The following PARD3 variants were observed in gnomAD, a reference collection of about 807,000 sequenced individuals.
The protein encoded by PARD3 is partitioning defective 3 homolog.
Under a neutral mutation model 155.4 loss-of-function variants are expected in PARD3, and 75 were observed. The ratio of observed to expected loss-of-function variants is 0.48; its 90% CI spans 0.40 to 0.58. The LOEUF (loss-of-function observed/expected upper bound fraction) is 0.58, where lower values mean the gene tolerates loss of function less well. Ranked by LOEUF, PARD3 falls within the 20% of genes least tolerant of loss-of-function variation. PARD3 has a pLI of 0.00. For missense variants in PARD3, 1,642 were observed against 1,721.7 expected, an observed-to-expected ratio of 0.95 and a Z score of 0.82; for synonymous variants, 576 against 610.5, an observed-to-expected ratio of 0.94 and a Z score of 0.83.
intron 11 of PARD3, 47 bp downstream of exon 11, chr10:34,374,827 T>C (rs1288855672): frequency 4.4e-6 from 7 of 1,595,026 alleles, no homozygotes; most frequent in Non-Finnish European, 6.0e-6. Flanking sequence ...CCCAGACCCC[T>C]GGCTGCTGCA....
chr10:34,724,617 A>T (rs1017769656), intron 1 of PARD3, among the ~76,000 whole-genome samples: 1 of 152,264 alleles, frequency 6.6e-6, no homozygotes, highest in African/African-American at 2.4e-5. Context: ...ATATAAGCTA[A>T]ACTGGCTAGT....
intron 3 of PARD3, among the ~76,000 whole-genome samples, chr10:34,483,367 A>G (rs1190020452): frequency 6.6e-6 from 1 of 151,908 alleles, no homozygotes; most frequent in Non-Finnish European, 1.5e-5. Flanking sequence ...CTGTGGTCCC[A>G]GCTACTCTGG....
chr10:34,412,904 G>T (rs1396852268), intron 5 of PARD3, among the ~76,000 whole-genome samples: 1 of 152,000 alleles, frequency 6.6e-6, no homozygotes, highest in Non-Finnish European at 1.5e-5. Flanking sequence ...ATAAGAAATA[G>T]AAAATACAGA....
chr10:34,666,537 A>G (rs956961800), intron 2 of PARD3, among the ~76,000 whole-genome samples: 3 of 151,874 alleles, frequency 2.0e-5, no homozygotes, highest in Non-Finnish European at 4.4e-5. Flanking sequence ...CACCCTTACT[A>G]ACGTCCAGGA....
intron 1 of PARD3, among the ~76,000 whole-genome samples, chr10:34,792,164 C>A (rs1160946043): frequency 6.6e-6 from 1 of 152,168 alleles, no homozygotes; most frequent in Non-Finnish European, 1.5e-5. Context: ...CCCGGACGTG[C>A]GCCCACGTGC....
At chr10:34,517,709 CACAA>C (rs1237558875) in intron 2 of PARD3, among the ~76,000 whole-genome samples, 7 of 152,054 alleles carry the variant, frequency 4.6e-5, no homozygotes, top group Non-Finnish European at 7.3e-5. Context: ...CCCACACACA[CACAA>C]ACACACACAC....
intron 2 of PARD3, among the ~76,000 whole-genome samples, chr10:34,587,286 C>T (rs2088170731): frequency 6.6e-6 from 1 of 152,044 alleles, no homozygotes; most frequent in African/African-American, 2.4e-5. Flanking sequence ...GCACACCTGG[C>T]TAATTTTTAT....
At position 34,380,301 on chromosome 10, in the gene PARD3, T is replaced by C. The variant is rs141817939; in HGVS notation, c.1400-2195A>G. Among the ~76,000 whole-genome samples, 143 of 152,278 alleles carry C rather than the reference T, an allele frequency of 9.4e-4. 1 individual carries two copies. The highest frequency in any genetic ancestry group is 3.1e-3 in the African/African-American group (130 of 41,590). On this transcript the variant is annotated intron_variant, in intron 9 of 24. Coordinates refer to ENST00000374788, the MANE Select transcript of PARD3 (RefSeq NM_001184785.2). ...CACAGTTGGTAAATTAAAATCAAGA[T>C]AGATCTATGGGACTCTATATCATTA...
intron 2 of PARD3, among the ~76,000 whole-genome samples, chr10:34,605,180 ATTTTTTTTTT>A (rs750688603): frequency 2.2e-4 from 14 of 62,484 alleles, no homozygotes; most frequent in African/African-American, 7.2e-4. Flanking sequence ...CCAAAATGAA[ATTTTTTTTTT>A]TTTTTTTTTT....
chr10:34,786,411 A>C (rs1840969605), intron 1 of PARD3, among the ~76,000 whole-genome samples: 1 of 152,262 alleles, frequency 6.6e-6, no homozygotes, highest in Admixed American at 6.5e-5. Context: ...AAACAAAGAA[A>C]TATATCCCAC....
intron 5 of PARD3, among the ~76,000 whole-genome samples, chr10:34,409,070 CCTA>C (rs1328189057): frequency 6.6e-6 from 1 of 152,118 alleles, no homozygotes; most frequent in East Asian, 1.9e-4. Flanking sequence ...CAACCAGATT[CCTA>C]CTATTCTTAT....
intron 5 of PARD3, among the ~76,000 whole-genome samples, chr10:34,404,761 T>C (rs1458121578): frequency 6.6e-6 from 1 of 152,070 alleles, no homozygotes; most frequent in African/African-American, 2.4e-5. Flanking sequence ...CATGTTTCTA[T>C]CCCTTCTTCT....
chr10:34,681,730 TTATATATATATA>T (rs71487904), intron 2 of PARD3, among the ~76,000 whole-genome samples: 306 of 29,962 alleles, frequency 0.01, 6 homozygotes, highest in African/African-American at 0.027. Flanking sequence ...CGTATGTATT[TTATATATATATA>T]TATATATATA....
rs112503102 is a variant in PARD3 at position 34,114,613 on chromosome 10, G to A, written c.3669-3051C>T. On this transcript the variant is annotated intron_variant, in intron 24 of 24. Coordinates refer to ENST00000374788, the MANE Select transcript of PARD3 (RefSeq NM_001184785.2). ...GCCGACCTCAGCCTCCCATAGTCCT[G>A]GGATTACAGGCATGAGCCACTCTGC... Among the ~76,000 whole-genome samples, 812 of 152,284 alleles carry A rather than the reference G, an allele frequency of 5.3e-3. 6 individuals carry two copies. Among genetic ancestry groups the A allele is most frequent in the African/African-American group, 0.019 (776 of 41,552 alleles).
intron 2 of PARD3, among the ~76,000 whole-genome samples, chr10:34,520,502 T>C (rs1301209903): frequency 1.3e-5 from 2 of 152,206 alleles, no homozygotes; most frequent in Non-Finnish European, 2.9e-5. Flanking sequence ...TCAGTTTATC[T>C]GACAGTGACT....
intron 2 of PARD3, among the ~76,000 whole-genome samples, chr10:34,528,465 A>G (rs2082622217): frequency 6.6e-6 from 1 of 152,190 alleles, no homozygotes; most frequent in South Asian, 2.1e-4. Flanking sequence ...GTCAGCCTCA[A>G]ACAACTCACC....
chr10:34,702,401 G>T (rs2094295566), intron 1 of PARD3, among the ~76,000 whole-genome samples: 1 of 151,892 alleles, frequency 6.6e-6, no homozygotes, highest in African/African-American at 2.4e-5. Flanking sequence ...TGTAAAAGAT[G>T]GGAGGAAAAA....
intron 22 of PARD3, among the ~76,000 whole-genome samples, chr10:34,212,682 C>G (rs1282718287): frequency 1.3e-5 from 2 of 150,112 alleles, no homozygotes; most frequent in Admixed American, 6.6e-5. Flanking sequence ...CTGAGGGGGG[C>G]AAAGGCCGCA....
intron 22 of PARD3, among the ~76,000 whole-genome samples, chr10:34,256,693 T>C (rs573577501): frequency 6.6e-6 from 1 of 151,814 alleles, no homozygotes; most frequent in South Asian, 2.1e-4. Flanking sequence ...ATATAGTCTA[T>C]GGAATAGAAC....
Sources: allele counts gnomAD v4.1 joint callset (sites outside exome capture counted in the v4.1 genomes callset), GRCh38; gene constraint gnomAD v4.1.1; transcripts MANE v1.5; gene names NCBI Gene and HGNC (gene_info 2026-07-23, HGNC 2026-07-21).